Variants in HDAC9 observed in about 807,000 individuals in gnomAD.
HDAC9 encodes the protein histone deacetylase 9.
In HDAC9, 41 loss-of-function variants were observed where a neutral mutation model predicts 139.4. That is an observed-to-expected ratio of 0.29 (90% CI 0.23 to 0.38). The LOEUF is 0.38. Among genes scored for constraint, HDAC9 ranks in the 10% least tolerant of loss-of-function variants. HDAC9 has a pLI of 1.00. For missense variants in HDAC9, 1,147 were observed against 1,297.0 expected (o/e 0.88, Z 1.78); for synonymous variants, 517 against 476.2 (o/e 1.09, Z -1.12).
chr7:18,119,983 T>C (rs1784263581), intron 1 of HDAC9, among the ~76,000 whole-genome samples: 1 of 152,214 alleles, frequency 6.6e-6, no homozygotes. Flanking sequence ...AAGAATGTTT[T>C]TGGGGGTAAT....
chr7:18,947,143 A>G (rs1014590369), intron 23 of HDAC9, among the ~76,000 whole-genome samples: 22 of 152,182 alleles, frequency 1.4e-4, no homozygotes, highest in African/African-American at 5.0e-4. Context: ...AGAGAAACAT[A>G]TGCTTTTAAA....
intron 16 of HDAC9, among the ~76,000 whole-genome samples, chr7:18,767,938 T>C (rs976925976): frequency 2.6e-5 from 4 of 152,220 alleles, no homozygotes; most frequent in Admixed American, 6.5e-5. Context: ...ACTAGTCACA[T>C]GTATATCACG....
intron 2 of HDAC9, among the ~76,000 whole-genome samples, chr7:18,232,650 A>G (rs180990281): frequency 4.6e-5 from 7 of 152,338 alleles, no homozygotes; most frequent in Admixed American, 3.3e-4. Flanking sequence ...TGCAGAATGC[A>G]TTTCTCATAA....
chr7:18,851,223 G>C (rs937664649), intron 21 of HDAC9, among the ~76,000 whole-genome samples: 5 of 152,148 alleles, frequency 3.3e-5, no homozygotes, highest in African/African-American at 1.2e-4. Context: ...TTGGCTCTGA[G>C]TCCCCACCTG....
chr7:18,574,093 C>G (rs1825204364), intron 2 of HDAC9, among the ~76,000 whole-genome samples: 1 of 152,266 alleles, frequency 6.6e-6, no homozygotes, highest in Non-Finnish European at 1.5e-5. Flanking sequence ...CAGAACAGTT[C>G]TCAAGAGACC....
At chr7:18,668,852 C>G in intron 12 of HDAC9, 1 of 983,686 alleles carries the variant, frequency 1.0e-6, no homozygotes, top group Non-Finnish European at 1.2e-6. Flanking sequence ...GATCCCCTTT[C>G]ATACACTTGG....
At chr7:18,470,402 GTGT>G (rs1404066814) in intron 1 of HDAC9, among the ~76,000 whole-genome samples, 7 of 151,764 alleles carry the variant, frequency 4.6e-5, no homozygotes, top group African/African-American at 1.7e-4. Flanking sequence ...GTATTTCCTT[GTGT>G]TTATTTCCAT....
At chr7:18,086,959 C>T (rs1268993333) in exon 1 of HDAC9, 1 of 146,030 alleles carries the variant, frequency 6.8e-6, no homozygotes, top group Non-Finnish European at 1.5e-5. Flanking sequence ...GCAGCGCGCA[C>T]CGAGCCGGCC....
chr7:18,729,694 A>G (rs1395455429), intron 13 of HDAC9, among the ~76,000 whole-genome samples: 2 of 152,160 alleles, frequency 1.3e-5, no homozygotes, highest in African/African-American at 4.8e-5. Flanking sequence ...TCCCCCTCAT[A>G]ATGTCAACAT....
At chr7:18,099,678 A>C (rs1416722089) in intron 1 of HDAC9, among the ~76,000 whole-genome samples, 1 of 152,206 alleles carries the variant, frequency 6.6e-6, no homozygotes, top group Admixed American at 6.5e-5. Flanking sequence ...CAAATGGAAT[A>C]GTATTTCAGA....
At chr7:18,321,436 T>C (rs1009081286) in intron 1 of HDAC9, among the ~76,000 whole-genome samples, 2 of 152,196 alleles carry the variant, frequency 1.3e-5, no homozygotes, top group Non-Finnish European at 2.9e-5. Flanking sequence ...ATAAACTCAA[T>C]AACAGGCCAT....
At chr7:18,599,906 TGCATGACCACTA>T (rs1219756312) in intron 6 of HDAC9, among the ~76,000 whole-genome samples, 1 of 151,962 alleles carries the variant, frequency 6.6e-6, no homozygotes, top group Non-Finnish European at 1.5e-5. Context: ...TGTACTATTT[TGCATGACCACTA>T]GCAATATAAC....
intron 8 of HDAC9, among the ~76,000 whole-genome samples, chr7:18,641,934 C>T (rs958582042): frequency 1.3e-5 from 2 of 151,934 alleles, no homozygotes; most frequent in African/African-American, 2.4e-5. Context: ...TAGACTGCTC[C>T]GATCAAAAAG....
chr7:18,922,894 A>G (rs573747356), intron 22 of HDAC9, among the ~76,000 whole-genome samples: 1 of 152,090 alleles, frequency 6.6e-6, no homozygotes, highest in Admixed American at 6.6e-5. Context: ...AAAAATCGAC[A>G]AATGTCTAGA....
At chr7:18,457,414 A>T (rs1793439796) in intron 1 of HDAC9, among the ~76,000 whole-genome samples, 1 of 152,218 alleles carries the variant, frequency 6.6e-6, no homozygotes, top group Admixed American at 6.5e-5. Context: ...TTTGTGAAGA[A>T]ATAAAATTCA....
intron 2 of HDAC9, among the ~76,000 whole-genome samples, chr7:18,501,382 A>G (rs2128155984): frequency 6.6e-6 from 1 of 152,214 alleles, no homozygotes; most frequent in Non-Finnish European, 1.5e-5. Flanking sequence ...TGCTTAAAAT[A>G]GAAACACATA....
At chr7:18,361,711 T>G (rs976402587) in intron 1 of HDAC9, among the ~76,000 whole-genome samples, 2 of 152,116 alleles carry the variant, frequency 1.3e-5, no homozygotes, top group Non-Finnish European at 2.9e-5. Context: ...GAAAAGACCT[T>G]AACTTTAATT....
intron 14 of HDAC9, among the ~76,000 whole-genome samples, chr7:18,758,121 G>A (rs1191703881): frequency 6.6e-6 from 1 of 152,128 alleles, no homozygotes; most frequent in African/African-American, 2.4e-5. Context: ...TATTAAGAAG[G>A]TGACAAAAGC....
intron 2 of HDAC9, among the ~76,000 whole-genome samples, chr7:18,556,039 T>C (rs951417015): frequency 6.6e-6 from 1 of 152,082 alleles, no homozygotes; most frequent in Non-Finnish European, 1.5e-5. Flanking sequence ...TTAGTAAATA[T>C]ATCTTTTTAA....
Sources: allele counts gnomAD v4.1 joint callset (sites outside exome capture counted in the v4.1 genomes callset), GRCh38; gene constraint gnomAD v4.1.1; transcripts MANE v1.5; gene names NCBI Gene and HGNC (gene_info 2026-07-23, HGNC 2026-07-21).